Variants in TMC7 observed in about 807,000 individuals in gnomAD.
TMC7 encodes the protein transmembrane channel like 7, also known as transmembrane channel-like protein 7.
A neutral mutation model predicts 82.9 loss-of-function variants in TMC7; 54 were observed. The ratio of observed to expected loss-of-function variants is 0.65; its 90% CI spans 0.52 to 0.82. The LOEUF (loss-of-function observed/expected upper bound fraction) is 0.82. TMC7 is among the 40% of genes least tolerant of loss of function. The pLI is 0.00. For synonymous variants in TMC7, 350 were observed against 337.9 expected, an observed-to-expected ratio of 1.04 and a Z score of -0.39; for missense variants, 820 against 901.2, an observed-to-expected ratio of 0.91 and a Z score of 1.15.
At chr16:19,047,535 T>A (rs1341540402) in intron 12 of TMC7, among the ~76,000 whole-genome samples, 6 of 150,330 alleles carry the variant, frequency 4.0e-5, no homozygotes, top group African/African-American at 1.5e-4. Flanking sequence ...TAGCTGGGAC[T>A]ACAGGAGCCT....
At chr16:19,030,815 T>C (rs367765304) in intron 6 of TMC7, among the ~76,000 whole-genome samples, 8 of 152,096 alleles carry the variant, frequency 5.3e-5, no homozygotes, top group Admixed American at 1.3e-4. Context: ...TCAGGTGATC[T>C]GCCTACCCTG....
At chr16:19,026,844 C>A (rs983618760) in intron 5 of TMC7, among the ~76,000 whole-genome samples, 1 of 152,028 alleles carries the variant, frequency 6.6e-6, no homozygotes, top group Admixed American at 6.6e-5. Flanking sequence ...CCACTGCAAC[C>A]TCTGCCCCCT....
In TMC7 at chr16:19,045,482, T is replaced by C. The variant is rs553652412; in HGVS notation, c.1553+44T>C. 17 of 1,308,988 alleles carry C rather than the reference T, an allele frequency of 1.3e-5. No homozygotes were observed. In the South Asian group the frequency reaches 1.4e-4, roughly 11 times the overall value. 81.1% of individuals were successfully genotyped at this position (1,308,988 alleles called of 1,614,324 possible). ...CATATTATCCCCCCCACCACACACATGCACACACACACATACACACACACA... is the reference window on the plus strand; with the variant it reads ...CATATTATCCCCCCCACCACACACACGCACACACACACATACACACACACA... On this transcript the variant is annotated intron_variant, in intron 11 of 15. Coordinates refer to ENST00000304381, the MANE Select transcript of TMC7 (RefSeq NM_024847.4).
chr16:19,029,518 C>T (rs916682665), intron 5 of TMC7, among the ~76,000 whole-genome samples: 1 of 152,030 alleles, frequency 6.6e-6, no homozygotes, highest in Admixed American at 6.6e-5. Context: ...CATAGACATG[C>T]ACCTCTATGC....
intron 1 of TMC7, among the ~76,000 whole-genome samples, chr16:19,002,880 GTC>G (rs2039166473): frequency 6.6e-6 from 1 of 152,242 alleles, no homozygotes; most frequent in Non-Finnish European, 1.5e-5. Context: ...TCAGTAGAAT[GTC>G]TGACAATAAC....
intron 1 of TMC7, among the ~76,000 whole-genome samples, chr16:18,994,118 C>A (rs1218243923): frequency 6.6e-6 from 1 of 151,920 alleles, no homozygotes; most frequent in African/African-American, 2.4e-5. Context: ...AGGCCAGGAA[C>A]AATGGTAAGT....
rs1453285095 is a variant in TMC7 at position 19,062,288 on chromosome 16, G to C, written c.*445G>C. 6.4e-6 allele frequency: 1 copy of C among 156,230 alleles called. No individual in the cohort carries two copies. The highest frequency in any genetic ancestry group is 1.4e-5 in the Non-Finnish European group (1 of 70,986). 9.7% of individuals were successfully genotyped at this position (156,230 alleles called of 1,614,324 possible). The stretch of plus-strand genomic sequence containing the variant: ...AAACACACACGTCCACATTTTTTAG[G>C]GTTGTTTTCCTGTGCTTACAATTTT... On this transcript the variant is annotated 3_prime_UTR_variant, in exon 16 of 16. Coordinates refer to ENST00000304381, the MANE Select transcript of TMC7 (RefSeq NM_024847.4).
At chr16:19,052,146 G>T (rs1362854107) in intron 13 of TMC7, among the ~76,000 whole-genome samples, 1 of 152,104 alleles carries the variant, frequency 6.6e-6, no homozygotes, top group African/African-American at 2.4e-5. Flanking sequence ...TGGCCAGGCT[G>T]GTCTCAAACT....
intron 2 of TMC7, among the ~76,000 whole-genome samples, chr16:19,012,908 C>T (rs944976431): frequency 3.3e-5 from 5 of 150,618 alleles, no homozygotes; most frequent in Non-Finnish European, 7.4e-5. Flanking sequence ...CCTCCCTGCC[C>T]CAGGTTCAAG....
chr16:19,003,253 C>G (rs958120756), intron 1 of TMC7, among the ~76,000 whole-genome samples: 5 of 152,178 alleles, frequency 3.3e-5, no homozygotes, highest in Non-Finnish European at 7.3e-5. Flanking sequence ...GTGGGAGGAT[C>G]GCTTGAGCCC....
intron 15 of TMC7, 96 bp downstream of exon 15, chr16:19,059,590 G>C: frequency 1.9e-6 from 3 of 1,608,830 alleles, no homozygotes; most frequent in Non-Finnish European, 2.5e-6. Flanking sequence ...TGAAATTACT[G>C]CAGCCTTCTC....
intron 1 of TMC7, among the ~76,000 whole-genome samples, chr16:19,004,824 C>T (rs2039207733): frequency 6.6e-6 from 1 of 151,818 alleles, no homozygotes; most frequent in African/African-American, 2.4e-5. Context: ...GTCTGAGCCT[C>T]AGTTATTAAT....
chr16:19,007,209 T>G (rs1469453963), intron 1 of TMC7, among the ~76,000 whole-genome samples: 1 of 152,088 alleles, frequency 6.6e-6, no homozygotes, highest in African/African-American at 2.4e-5. Context: ...GCTTAGGGGC[T>G]CTTCCTCTCC....
intron 3 of TMC7, among the ~76,000 whole-genome samples, chr16:19,019,905 G>T (rs527263131): frequency 3.1e-4 from 47 of 152,212 alleles, no homozygotes; most frequent in Non-Finnish European, 5.7e-4. Flanking sequence ...ATTAGACAGT[G>T]GCAAAAAACT....
intron 12 of TMC7, among the ~76,000 whole-genome samples, chr16:19,049,350 A>T (rs1381863884): frequency 6.6e-6 from 1 of 152,146 alleles, no homozygotes; most frequent in Non-Finnish European, 1.5e-5. Flanking sequence ...TAAATTAGGA[A>T]GCTGAAGTTC....
intron 1 of TMC7, among the ~76,000 whole-genome samples, chr16:18,987,367 G>A (rs1188290220): frequency 6.6e-6 from 1 of 151,960 alleles, no homozygotes; most frequent in Non-Finnish European, 1.5e-5. Flanking sequence ...CTGGAGTGCA[G>A]TAGCGCGATC....
At chr16:19,056,261 T>G (rs1318345426) in intron 13 of TMC7, among the ~76,000 whole-genome samples, 1 of 151,874 alleles carries the variant, frequency 6.6e-6, no homozygotes, top group Non-Finnish European at 1.5e-5. Flanking sequence ...AATTTTTGTA[T>G]TTTTAGTAGA....
intron 11 of TMC7, among the ~76,000 whole-genome samples, chr16:19,046,723 C>G (rs184190149): frequency 1.1e-4 from 17 of 151,856 alleles, no homozygotes; most frequent in Admixed American, 5.3e-4. Context: ...GTCTCAGCCA[C>G]TTGGGAGGCT....
In TMC7 at chr16:19,024,758, G is replaced by A. The variant is rs535882314; in HGVS notation, c.711+1563G>A. 2.0e-5 allele frequency among the ~76,000 whole-genome samples: 3 copies of A among 152,142 alleles called. No individual in the cohort carries two copies. In the East Asian group the frequency reaches 5.8e-4, roughly 30 times the overall value. ...GTGGTGGCTCACACCTGTAATCCCAGCACTTTGGGAGGCCGAGGTGGGTGG... is the reference window on the plus strand; with the variant it reads ...GTGGTGGCTCACACCTGTAATCCCAACACTTTGGGAGGCCGAGGTGGGTGG... On this transcript the variant is annotated intron_variant, in intron 5 of 15. Transcript: ENST00000304381.
Sources: allele counts gnomAD v4.1 joint callset (sites outside exome capture counted in the v4.1 genomes callset), GRCh38; gene constraint gnomAD v4.1.1; transcripts MANE v1.5; gene names NCBI Gene and HGNC (gene_info 2026-07-23, HGNC 2026-07-21).